Variants in CSNK1E observed in about 807,000 individuals in gnomAD.
The protein encoded by CSNK1E is casein kinase I isoform epsilon.
A neutral mutation model predicts 46.1 loss-of-function variants in CSNK1E; 17 were observed. The observed-to-expected ratio is 0.37, with a 90% CI of 0.25 to 0.55. The LOEUF (loss-of-function observed/expected upper bound fraction) is 0.55. CSNK1E is among the 20% of genes least tolerant of loss of function. The pLI is 0.82. For synonymous variants in CSNK1E, 241 were observed against 242.6 expected (o/e 0.99, Z 0.06); for missense variants, 386 against 595.4 (o/e 0.65, Z 3.66).
chr22:38,293,024 G>A, intron 10 of CSNK1E: 1 of 552,602 alleles, frequency 1.8e-6, no homozygotes, highest in East Asian at 3.3e-5. Flanking sequence ...AGTTTTTCCA[G>A]CAGAAACTAA....
At chr22:38,293,189 T>G in intron 10 of CSNK1E, 66 bp downstream of exon 10, 4 of 1,294,106 alleles carry the variant, frequency 3.1e-6, no homozygotes, top group Non-Finnish European at 4.5e-6. Context: ...CATTGGTCTC[T>G]TTCTGGGGCC....
rs1555907611 is a variant in CSNK1E, at chr22:38,298,860, G to A, written c.811C>T (p.Gln271Ter). Residue 271 changes from glutamine to a stop codon, truncating the protein, a stop_gained, in exon 7 of 11, where the codon CAG becomes TAG. Transcript: ENST00000396832. LOFTEE classifies it high-confidence loss of function. This position sits in a 1 kb window ranked among gnomAD's most constrained non-coding sequence, Gnocchi z 4.2. ...CGGTGGAAGAGGTTGCGGAAGAGCT[G>A]ACGTAGGTAAGAGTAGTCGGGCTTG... ...DDKPDYSYLR[Q>*]LFRNLFHRQG... 6.2e-7 allele frequency: 1 copy of A among 1,614,192 alleles called. No individual in the cohort carries two copies. Among genetic ancestry groups the A allele is most frequent in the Non-Finnish European group, 8.5e-7 (1 of 1,180,022 alleles).
intron 2 of CSNK1E, among the ~76,000 whole-genome samples, chr22:38,312,208 C>T (rs1417844281): frequency 6.6e-6 from 1 of 152,200 alleles, no homozygotes; most frequent in Non-Finnish European, 1.5e-5. Flanking sequence ...CCCACCTCAG[C>T]CTCCTGAGTA....
In CSNK1E at chr22:38,301,662, G is replaced by A. The variant is rs547211409; in HGVS notation, c.337-710C>T. Among the ~76,000 whole-genome samples, 112 of 152,152 alleles carry A rather than the reference G, an allele frequency of 7.4e-4. 3 individuals carry two copies. The South Asian group carries it at 0.022, about 30-fold the overall frequency. On this transcript the variant is annotated intron_variant, in intron 4 of 10. Coordinates refer to ENST00000396832, the MANE Select transcript of CSNK1E (RefSeq NM_152221.3). ...ATGGTCAGACTGGTCTCAAACTCCCGATCTCAGGAGATCCGCCTGCCTCGG... is the reference window on the plus strand; with the variant it reads ...ATGGTCAGACTGGTCTCAAACTCCCAATCTCAGGAGATCCGCCTGCCTCGG...
At position 38,303,172 on chromosome 22, in the gene CSNK1E, G is replaced by A. The variant is rs771758318; in HGVS notation, c.153C>T (p.Ile51=). 36 of 1,610,458 alleles carry A rather than the reference G, an allele frequency of 2.2e-5. No individual in the cohort carries two copies. Among genetic ancestry groups the A allele is most frequent in the East Asian group, 1.1e-4 (5 of 44,842 alleles). ...CVKTKHPQLH[I]ESKFYKMMQG... is the part of the protein sequence containing the mutation. The stretch of plus-strand genomic sequence containing the variant: ...GCATCATCTTGTAGAACTTGCTCTC[G>A]ATGTGCAGCTGGGGGTGCTTTGTCT... The change falls in exon 3 of 11, where the codon ATC becomes ATT. Residue 51 remains isoleucine (I), a synonymous_variant. Coordinates refer to ENST00000396832, the MANE Select transcript of CSNK1E (RefSeq NM_152221.3). This position sits in a 1 kb window ranked among gnomAD's most constrained non-coding sequence, Gnocchi z 4.7.
intron 2 of CSNK1E, among the ~76,000 whole-genome samples, chr22:38,311,867 C>T (rs1433261745): frequency 1.3e-5 from 2 of 150,732 alleles, no homozygotes; most frequent in African/African-American, 2.4e-5. Context: ...TGCAATGACA[C>T]GATCTCAGCT....
intron 2 of CSNK1E, among the ~76,000 whole-genome samples, chr22:38,308,697 A>T (rs528896768): frequency 2.0e-5 from 3 of 152,168 alleles, no homozygotes; most frequent in Admixed American, 6.5e-5. Flanking sequence ...GTGTCCACCC[A>T]GTGGGAGGAG....
chr22:38,306,520 CAA>C (rs2092699302), intron 2 of CSNK1E, among the ~76,000 whole-genome samples: 1 of 152,182 alleles, frequency 6.6e-6, no homozygotes, highest in Admixed American at 6.5e-5. Context: ...ATCACAAGGT[CAA>C]GAGATCAAGA....
chr22:38,314,130 G>A lies in CSNK1E; in HGVS notation c.28C>T (p.Arg10Cys), dbSNP rs773976199. The A allele has an allele frequency of 2.5e-6, 4 of 1,614,062 alleles. No individual in the cohort carries two copies. Among genetic ancestry groups the A allele is most frequent in the Admixed American group, 1.7e-5 (1 of 60,026 alleles). Reference protein sequence around the residue: MELRVGNKYRLGRKIGSGSF... With the variant: MELRVGNKYCLGRKIGSGSF... The stretch of plus-strand genomic sequence containing the variant: ...CCGCTCCCGATCTTCCGTCCCAGGC[G>A]GTACTTGTTCCCCACACGTAGCTCC... The change falls in exon 2 of 11, where the codon CGC (arginine) becomes TGC (cysteine). Residue 10 changes from arginine (R) to cysteine (C), a missense_variant. Arg to Cys is a radical substitution (Grantham distance 180). Around this residue, in one of 2 missense-constraint regions of CSNK1E, gnomAD observed 212 missense variants for 410.2 expected, o/e 0.52. Coordinates refer to ENST00000396832, the MANE Select transcript of CSNK1E (RefSeq NM_152221.3).
intron 1 of CSNK1E, among the ~76,000 whole-genome samples, chr22:38,314,417 A>C (rs1351568344): frequency 6.6e-6 from 1 of 152,188 alleles, no homozygotes; most frequent in East Asian, 1.9e-4. Flanking sequence ...GGGGATGCTC[A>C]TTCAGGGGCC....
At chr22:38,314,814 G>A (rs1212018366) in intron 1 of CSNK1E, among the ~76,000 whole-genome samples, 1 of 152,168 alleles carries the variant, frequency 6.6e-6, no homozygotes, top group Non-Finnish European at 1.5e-5. Context: ...CGGATGGGTG[G>A]GAGGAGGAGT....
In CSNK1E at chr22:38,294,103, G is replaced by A; in HGVS notation, c.1218+6C>T. 1.2e-6 allele frequency: 2 copies of A among 1,607,756 alleles called. No homozygotes were observed. The highest frequency in any genetic ancestry group is 1.8e-4 in the Middle Eastern group (1 of 5,620). Reference sequence around the variant, plus strand: ...GCCCAGAGGGACTGGCAGGGGGGCAGCTCACCTGTGAGGCTGGGATCCGGG... The same window carrying A: ...GCCCAGAGGGACTGGCAGGGGGGCAACTCACCTGTGAGGCTGGGATCCGGG... On this transcript the variant is annotated splice_donor_region_variant and intron_variant, in intron 9 of 10. Coordinates refer to ENST00000396832, the MANE Select transcript of CSNK1E (RefSeq NM_152221.3). This position sits in a 1 kb window ranked among gnomAD's most constrained non-coding sequence, Gnocchi z 5.5.
At chr22:38,314,583 C>T (rs902029521) in intron 1 of CSNK1E, among the ~76,000 whole-genome samples, 1 of 152,230 alleles carries the variant, frequency 6.6e-6, no homozygotes, top group Non-Finnish European at 1.5e-5. Context: ...AGGAGAAAGT[C>T]GCATCCCCTA....
rs1342579523 is a variant in CSNK1E at position 38,317,422 on chromosome 22, T to TCGCGCGCTCTCGCAC, written c.-276_-275insGTGCGAGAGCGCGCG. On this transcript the variant is annotated 5_prime_UTR_variant, in exon 1 of 11. Transcript: ENST00000396832. Reference sequence around the variant, plus strand: ...CCGCCCGCCCGCCCCCGCCGCCGGCTCGCGCGCTCTCGCACCGCGCGCGCC... The same window carrying TCGCGCGCTCTCGCAC: ...CCGCCCGCCCGCCCCCGCCGCCGGCTCGCGCGCTCTCGCACCGCGCGCTCTCGCACCGCGCGCGCC... 1.4e-5 allele frequency: 1 copy of TCGCGCGCTCTCGCAC among 72,982 alleles called. No homozygotes were observed. The highest frequency in any genetic ancestry group is 5.4e-5 in the African/African-American group (1 of 18,664). The allele number at this position is 72,982 out of a possible 1,614,324, so 4.5% of individuals were successfully genotyped here.
Position 38,294,482 on chromosome 22 carries a change from C to G in CSNK1E, c.938G>C (p.Arg313Pro). Residue 313 changes from arginine (R) to proline (P), a missense_variant, in exon 8 of 11, where the codon CGC becomes CCC. This residue lies in a region of CSNK1E where 174 missense variants were observed against 185.2 expected (regional missense o/e 0.94). Transcript: ENST00000396832. This position sits in a 1 kb window ranked among gnomAD's most constrained non-coding sequence, Gnocchi z 5.5. ...DVDRERREHE[R>P]EERMGQLRGS... ...CCGTAGCTGCCCCATCCTCTCCTCG[C>G]GTTCGTGTTCTCGCCGCTCCCGGTC... 6.3e-7 allele frequency: 1 copy of G among 1,593,972 alleles called. No individual in the cohort carries two copies. Among genetic ancestry groups the G allele is most frequent in the South Asian group, 1.1e-5 (1 of 88,214 alleles).
chr22:38,301,771 G>A (rs1427131918), intron 4 of CSNK1E, among the ~76,000 whole-genome samples: 5 of 151,974 alleles, frequency 3.3e-5, no homozygotes, highest in African/African-American at 4.8e-5. Context: ...TCCACATGCC[G>A]TGGCCTCTGG....
chr22:38,313,789 A>C (rs1335232271), intron 2 of CSNK1E, among the ~76,000 whole-genome samples: 2 of 152,194 alleles, frequency 1.3e-5, no homozygotes, highest in African/African-American at 4.8e-5. Flanking sequence ...GGGTTTTCCC[A>C]CACCCAGCTG....
chr22:38,312,614 G>A (rs906176545), intron 2 of CSNK1E, among the ~76,000 whole-genome samples: 2 of 152,172 alleles, frequency 1.3e-5, no homozygotes, highest in Non-Finnish European at 2.9e-5. Flanking sequence ...CTGAGCTCCA[G>A]GGTGTCCATA....
intron 2 of CSNK1E, among the ~76,000 whole-genome samples, chr22:38,308,022 A>C (rs1433807577): frequency 6.6e-6 from 1 of 152,108 alleles, no homozygotes; most frequent in Non-Finnish European, 1.5e-5. Flanking sequence ...CCCTGAAAAC[A>C]CCTGTAGCCT....
Sources: allele counts gnomAD v4.1 joint callset (sites outside exome capture counted in the v4.1 genomes callset), GRCh38; gene constraint gnomAD v4.1.1; regional missense constraint gnomAD v4.1.1; non-coding constraint Gnocchi (gnomAD v3.1); transcripts MANE v1.5; gene names NCBI Gene and HGNC (gene_info 2026-07-23, HGNC 2026-07-21).